The following PHF3 variants were observed in gnomAD, a reference collection of about 807,000 sequenced individuals.
PHF3 encodes the protein PHD finger protein 3.
A neutral mutation model predicts 178.4 loss-of-function variants in PHF3; 41 were observed. That is an observed-to-expected ratio of 0.23 (90% CI 0.18 to 0.30). The LOEUF (loss-of-function observed/expected upper bound fraction) is 0.30. Among genes scored for constraint, PHF3 ranks in the 10% least tolerant of loss-of-function variants. PHF3 has a pLI of 1.00. For synonymous variants in PHF3, 842 were observed against 800.5 expected (o/e 1.05, Z -0.88); for missense variants, 2,346 against 2,398.1 (o/e 0.98, Z 0.45).
At position 63,711,671 on chromosome 6, in the gene PHF3, T is replaced by C. The variant is rs1392311247; in HGVS notation, c.4083T>C (p.Thr1361=). 6.2e-7 allele frequency: 1 copy of C among 1,613,780 alleles called. No homozygotes were observed. Among genetic ancestry groups the C allele is most frequent in the South Asian group, 1.1e-5 (1 of 91,044 alleles). Residue 1361 remains threonine, a synonymous_variant, in exon 16 of 16, where the codon ACT becomes ACC. Transcript: ENST00000262043. Reference sequence around the variant, plus strand: ...GACAGCACAGTGCCTGTGCTAGTACTAGTCATATAGCTGAGACTCCTGAAA... The same window carrying C: ...GACAGCACAGTGCCTGTGCTAGTACCAGTCATATAGCTGAGACTCCTGAAA... ...LKRQHSACAS[T]SHIAETPESA...
At chr6:63,703,327 G>A (rs760577257) in intron 10 of PHF3, among the ~76,000 whole-genome samples, 6 of 151,996 alleles carry the variant, frequency 3.9e-5, no homozygotes, top group Non-Finnish European at 8.8e-5. Context: ...AATGGGGAAT[G>A]TTTTAATTTT....
At chr6:63,683,989 A>G (rs1766552919) in intron 3 of PHF3, 140 bp from the exon 4 acceptor site, 5 of 576,146 alleles carry the variant, frequency 8.7e-6, no homozygotes, top group Non-Finnish European at 1.2e-5. Context: ...TCATGTCACC[A>G]TTATGAGTAC....
Position 63,712,757 on chromosome 6 carries a change from A to G in PHF3, c.5169A>G (p.Pro1723=). 1 of 1,613,990 alleles carries G rather than the reference A, an allele frequency of 6.2e-7. No individual in the cohort carries two copies. Among genetic ancestry groups the G allele is most frequent in the Non-Finnish European group, 8.5e-7 (1 of 1,179,974 alleles). ...ATTTAAAAGTTGCACAAAACTCACC[A>G]TCAGTAGAAAACATACAGACTTCTC... The part of the protein sequence containing the change: ...SDNLKVAQNS[P]SVENIQTSQA... Residue 1723 remains proline (P), a synonymous_variant, in exon 16 of 16, where the codon CCA becomes CCG. Coordinates refer to ENST00000262043, the MANE Select transcript of PHF3 (RefSeq NM_001370348.2).
rs1561960297 is a variant in PHF3 at position 63,679,988 on chromosome 6, G to GT, written c.245-5dup. 4 of 1,603,422 alleles carry GT rather than the reference G, an allele frequency of 2.5e-6. No individual in the cohort carries two copies. The highest frequency in any genetic ancestry group is 2.2e-5 in the East Asian group (1 of 44,646). On this transcript the variant is annotated splice_polypyrimidine_tract_variant and intron_variant, in intron 2 of 15. Coordinates refer to ENST00000262043, the MANE Select transcript of PHF3 (RefSeq NM_001370348.2). ...ATTTTTAAAAGTTAATTTTTTTGTC[G>GT]TTTTTTTCTAGTTGTTGGTCTTGAC...
At chr6:63,669,020 A>G (rs1478351526) in intron 2 of PHF3, among the ~76,000 whole-genome samples, 1 of 152,212 alleles carries the variant, frequency 6.6e-6, no homozygotes, top group African/African-American at 2.4e-5. Context: ...AGGGTTTGGT[A>G]GAAAATTTTT....
Position 63,713,017 on chromosome 6 carries a change from C to T in PHF3, c.5429C>T (p.Ser1810Phe). ...CAGCCCAACCTTCAGCATCTCAAGTCTAGCCCACCTGGATTTCCATTTCCA... is the reference window on the plus strand; with the variant it reads ...CAGCCCAACCTTCAGCATCTCAAGTTTAGCCCACCTGGATTTCCATTTCCA... ...PQQPNLQHLK[S>F]SPPGFPFPGP... is the part of the protein sequence containing the mutation. Residue 1810 changes from serine (S) to phenylalanine (F), a missense_variant, in exon 16 of 16, where the codon TCT (serine) becomes TTT (phenylalanine). By Grantham distance (155) the Ser-to-Phe change is radical. Transcript: ENST00000262043. The T allele has an allele frequency of 6.2e-7, 1 of 1,614,026 alleles. No individual in the cohort carries two copies. The highest frequency in any genetic ancestry group is 8.5e-7 in the Non-Finnish European group (1 of 1,179,946).
intron 2 of PHF3, among the ~76,000 whole-genome samples, chr6:63,657,142 T>G (rs1765268755): frequency 6.6e-6 from 1 of 152,232 alleles, no homozygotes; most frequent in Non-Finnish European, 1.5e-5. Context: ...TCCAACATTT[T>G]GCTTTATGTC....
intron 4 of PHF3, among the ~76,000 whole-genome samples, chr6:63,689,257 T>C (rs1035537663): frequency 1.3e-5 from 2 of 152,174 alleles, no homozygotes; most frequent in Non-Finnish European, 2.9e-5. Flanking sequence ...GAAGTCTTAG[T>C]TTTTTCATGT....
In PHF3 at chr6:63,721,397, G is replaced by A. The variant is rs763174826; in HGVS notation, c.*7689G>A. 87 of 1,551,478 alleles carry A rather than the reference G, an allele frequency of 5.6e-5. No individual in the cohort carries two copies. Among genetic ancestry groups the A allele is most frequent in the Non-Finnish European group, 7.6e-5 (87 of 1,146,866 alleles). On this transcript the variant is annotated 3_prime_UTR_variant, in exon 16 of 16. Coordinates refer to ENST00000262043, the MANE Select transcript of PHF3 (RefSeq NM_001370348.2). ...CATTTCTGCATGTGTTGTACCCACA[G>A]GCTGTCCCATCACAGTCACCTACAT...
intron 12 of PHF3, 75 bp from the exon 13 acceptor site, chr6:63,706,654 C>T (rs1767706912): frequency 7.8e-6 from 11 of 1,401,324 alleles, no homozygotes; most frequent in East Asian, 2.3e-5. Context: ...TGCTAAAATA[C>T]GAGTAACTGA....
chr6:63,660,731 G>T (rs908181270), intron 2 of PHF3, among the ~76,000 whole-genome samples: 6 of 152,056 alleles, frequency 3.9e-5, no homozygotes, highest in African/African-American at 1.4e-4. Flanking sequence ...TCTTTTCCTG[G>T]ACCATTTCTC....
intron 2 of PHF3, among the ~76,000 whole-genome samples, chr6:63,664,966 G>A (rs993100437): frequency 4.0e-5 from 6 of 151,884 alleles, no homozygotes; most frequent in African/African-American, 1.5e-4. Flanking sequence ...CCATCTTTCA[G>A]TGTGCTTGTT....
Position 63,685,250 on chromosome 6 carries a change from G to A in PHF3, c.1528G>A (p.Val510Ile), listed in dbSNP as rs774713142. The A allele has an allele frequency of 1.9e-6, 3 of 1,613,806 alleles. No homozygotes were observed. Among genetic ancestry groups the A allele is most frequent in the South Asian group, 2.2e-5 (2 of 91,052 alleles). The change falls in exon 4 of 16, where the codon GTT (valine) becomes ATT (isoleucine). Residue 510 changes from valine to isoleucine, a missense_variant. By Grantham distance (29) the Val-to-Ile change is conservative. Around this residue, in one of 8 missense-constraint regions of PHF3, gnomAD observed 843 missense variants for 795.2 expected, o/e 1.06. Transcript: ENST00000262043. ...NMTTDAPKKI[V>I]AAKYEVIHSK... is the part of the protein sequence containing the mutation. ...GACCACAGATGCTCCGAAGAAAATT[G>A]TTGCAGCAAAGTATGAAGTAATACA...
At chr6:63,642,591 A>G (rs912433023) in intron 1 of PHF3, among the ~76,000 whole-genome samples, 1 of 152,232 alleles carries the variant, frequency 6.6e-6, no homozygotes, top group African/African-American at 2.4e-5. Context: ...TGACTTTAAC[A>G]TGTATATTCC....
chr6:63,698,896 T>C (rs1767350842), intron 8 of PHF3, among the ~76,000 whole-genome samples: 1 of 152,192 alleles, frequency 6.6e-6, no homozygotes, highest in African/African-American at 2.4e-5. Context: ...TTCATATGTA[T>C]TCTTCAAAAA....
chr6:63,680,147 G>T lies in PHF3; in HGVS notation c.392G>T (p.Arg131Leu), dbSNP rs775135145. ...NSVRSPRKSP[R>L]LMAQEQVRSL... is the part of the protein sequence containing the mutation. ...GTGAGATCTCCAAGAAAATCACCTC[G>T]TTTAATGGCACAAGGTAATCCTTTG... The change falls in exon 3 of 16, where the codon CGT (arginine) becomes CTT (leucine). Residue 131 changes from arginine to leucine, a missense_variant. Coordinates refer to ENST00000262043, the MANE Select transcript of PHF3 (RefSeq NM_001370348.2). 1 of 1,607,110 alleles carries T rather than the reference G, an allele frequency of 6.2e-7. No individual in the cohort carries two copies. The highest frequency in any genetic ancestry group is 1.7e-5 in the Admixed American group (1 of 59,130).
chr6:63,670,546 A>G (rs1237397618), intron 2 of PHF3, among the ~76,000 whole-genome samples: 1 of 152,134 alleles, frequency 6.6e-6, no homozygotes, highest in African/African-American at 2.4e-5. Flanking sequence ...TCGGCCTCCC[A>G]AAGTGCTGGG....
chr6:63,714,024 A>G lies in PHF3; in HGVS notation c.*316A>G. On this transcript the variant is annotated 3_prime_UTR_variant, in exon 16 of 16. Transcript: ENST00000262043. The stretch of plus-strand genomic sequence containing the variant: ...TAGTTTTATTCCTTAATTGGTAAAT[A>G]TGGTTAACTATGGAATATATTTACT... The G allele has an allele frequency of 5.0e-6, 1 of 199,418 alleles. No homozygotes were observed. The highest frequency in any genetic ancestry group is 1.0e-5 in the Non-Finnish European group (1 of 99,578). 12.4% of individuals were successfully genotyped at this position (199,418 alleles called of 1,614,324 possible).
At chr6:63,695,592 T>A (rs1437823310) in intron 6 of PHF3, among the ~76,000 whole-genome samples, 3 of 152,180 alleles carry the variant, frequency 2.0e-5, no homozygotes, top group African/African-American at 7.2e-5. Flanking sequence ...GGGAAACCTT[T>A]AGAGGGTTTT....
Sources: gnomAD v4.1 joint callset for allele counts (sites outside exome capture counted in the v4.1 genomes callset) on GRCh38, gnomAD v4.1.1 for gene constraint, gnomAD v4.1.1 regional missense constraint, MANE v1.5 for transcripts, NCBI Gene and HGNC (gene_info 2026-07-23, HGNC 2026-07-21) for gene names.